Variants in MAGI1 observed in about 807,000 individuals in gnomAD.
The protein encoded by MAGI1 is membrane associated guanylate kinase, WW and PDZ domain containing 1.
A neutral mutation model predicts 139.9 loss-of-function variants in MAGI1; 58 were observed. That is an observed-to-expected ratio of 0.41 (90% CI 0.34 to 0.52). The LOEUF (loss-of-function observed/expected upper bound fraction) is 0.52. Among genes scored for constraint, MAGI1 ranks in the 20% least tolerant of loss-of-function variants. The pLI is 0.12. For synonymous variants in MAGI1, 812 were observed against 737.9 expected, an observed-to-expected ratio of 1.10 and a Z score of -1.63; for missense variants, 1,874 against 1,901.6, an observed-to-expected ratio of 0.99 and a Z score of 0.27.
chr3:65,544,869 G>A (rs2079423361), intron 2 of MAGI1, among the ~76,000 whole-genome samples: 1 of 152,062 alleles, frequency 6.6e-6, no homozygotes. Flanking sequence ...AACCTGATGG[G>A]GTTATTTTGT....
At chr3:65,910,600 T>G (rs1487793120) in intron 1 of MAGI1, among the ~76,000 whole-genome samples, 1 of 152,088 alleles carries the variant, frequency 6.6e-6, no homozygotes, top group Non-Finnish European at 1.5e-5. Flanking sequence ...AGTGATCATC[T>G]AATCTGAGAA....
At chr3:65,620,484 T>C (rs2083604977) in intron 2 of MAGI1, among the ~76,000 whole-genome samples, 1 of 152,212 alleles carries the variant, frequency 6.6e-6, no homozygotes, top group African/African-American at 2.4e-5. Context: ...CTCGAAGCCC[T>C]GATCACCTAT....
intron 1 of MAGI1, among the ~76,000 whole-genome samples, chr3:65,816,382 T>TTTACA (rs555082665): frequency 1.6e-3 from 248 of 152,326 alleles, no homozygotes; most frequent in African/African-American, 5.7e-3. Flanking sequence ...GGAGATGAAT[T>TTTACA]TTACATTTCA....
chr3:65,428,368 G>A (rs1421389152), intron 12 of MAGI1, among the ~76,000 whole-genome samples: 2 of 152,126 alleles, frequency 1.3e-5, no homozygotes, highest in African/African-American at 4.8e-5. Context: ...ACTTCAATAT[G>A]GTGGAAAGTA....
chr3:65,697,411 G>C (rs1179300199), intron 1 of MAGI1, among the ~76,000 whole-genome samples: 1 of 147,372 alleles, frequency 6.8e-6, no homozygotes, highest in East Asian at 2.0e-4. Context: ...GCCAGGCAGA[G>C]ACACAACCAA....
At chr3:65,950,078 C>CAAAAAAA (rs751496271) in intron 1 of MAGI1, among the ~76,000 whole-genome samples, 8 of 40,340 alleles carry the variant, frequency 2.0e-4, no homozygotes, top group East Asian at 2.0e-3. Flanking sequence ...AAAAAAAAAA[C>CAAAAAAA]AAAAAAAAAA....
chr3:65,834,022 A>G (rs931891144), intron 1 of MAGI1, among the ~76,000 whole-genome samples: 1 of 152,212 alleles, frequency 6.6e-6, no homozygotes, highest in African/African-American at 2.4e-5. Flanking sequence ...ACTTCCCTAG[A>G]CACTGGGGAT....
intron 2 of MAGI1, among the ~76,000 whole-genome samples, chr3:65,505,872 G>A (rs2077265600): frequency 6.6e-6 from 1 of 151,900 alleles, no homozygotes; most frequent in South Asian, 2.1e-4. Context: ...ATGTAAAGAT[G>A]GGCAAAACAT....
At chr3:65,884,579 CAA>C (rs2060460178) in intron 1 of MAGI1, among the ~76,000 whole-genome samples, 3 of 152,102 alleles carry the variant, frequency 2.0e-5, no homozygotes, top group African/African-American at 7.2e-5. Context: ...ATCAAATGAA[CAA>C]AGATTTTCTT....
chr3:65,362,002 T>A (rs1301572478), intron 21 of MAGI1, among the ~76,000 whole-genome samples: 1 of 152,302 alleles, frequency 6.6e-6, no homozygotes, highest in South Asian at 2.1e-4. Context: ...TTTTAGACAC[T>A]GGAAATAAAA....
intron 1 of MAGI1, among the ~76,000 whole-genome samples, chr3:65,684,359 T>G (rs915861525): frequency 2.0e-5 from 3 of 152,178 alleles, no homozygotes; most frequent in African/African-American, 7.2e-5. Flanking sequence ...GATGCCAAGA[T>G]GTCCTTCAAC....
intron 2 of MAGI1, among the ~76,000 whole-genome samples, chr3:65,531,674 A>G (rs1459187701): frequency 6.6e-6 from 1 of 152,160 alleles, no homozygotes; most frequent in Non-Finnish European, 1.5e-5. Flanking sequence ...GTGGAATAAA[A>G]TAGCATTAAG....
intron 22 of MAGI1, among the ~76,000 whole-genome samples, chr3:65,358,533 T>A (rs1385292447): frequency 1.3e-5 from 2 of 152,118 alleles, no homozygotes; most frequent in Non-Finnish European, 2.9e-5. Context: ...ATAATCTGGG[T>A]GTTTTGGGCC....
At chr3:65,700,077 A>G (rs947870899) in intron 1 of MAGI1, among the ~76,000 whole-genome samples, 3 of 152,084 alleles carry the variant, frequency 2.0e-5, no homozygotes, top group Non-Finnish European at 4.4e-5. Context: ...TTAACTACAT[A>G]CAATTTTGAC....
intron 18 of MAGI1, among the ~76,000 whole-genome samples, chr3:65,372,523 A>G (rs770311353): frequency 1.3e-5 from 2 of 152,204 alleles, no homozygotes; most frequent in Non-Finnish European, 2.9e-5. Context: ...GCTTAAGGTC[A>G]TCAGCTGCAT....
chr3:65,495,389 T>C (rs371933723), intron 2 of MAGI1, among the ~76,000 whole-genome samples: 74 of 152,330 alleles, frequency 4.9e-4, no homozygotes, highest in African/African-American at 1.7e-3. Context: ...TGATAGAATC[T>C]TACCGTTCAA....
chr3:65,634,274 G>C (rs1282355965), intron 1 of MAGI1, among the ~76,000 whole-genome samples: 2 of 152,152 alleles, frequency 1.3e-5, no homozygotes, highest in Non-Finnish European at 2.9e-5. Flanking sequence ...CACCAGTATA[G>C]AAAATAAAAG....
At chr3:65,421,570 G>T (rs1946630769) in intron 12 of MAGI1, among the ~76,000 whole-genome samples, 1 of 152,150 alleles carries the variant, frequency 6.6e-6, no homozygotes, top group South Asian at 2.1e-4. Context: ...TCATATGGCA[G>T]ATTATACATA....
intron 2 of MAGI1, among the ~76,000 whole-genome samples, chr3:65,568,542 T>A (rs894123681): frequency 1.2e-4 from 18 of 152,190 alleles, no homozygotes; most frequent in Non-Finnish European, 2.4e-4. Flanking sequence ...GATTTGCCAA[T>A]AGATTTCATT....
Sources: allele counts gnomAD v4.1 joint callset (sites outside exome capture counted in the v4.1 genomes callset), GRCh38; gene constraint gnomAD v4.1.1; transcripts MANE v1.5; gene names NCBI Gene and HGNC (gene_info 2026-07-23, HGNC 2026-07-21).